KCNH7: variants seen among roughly 807,000 people sequenced by gnomAD.
The protein encoded by KCNH7 is voltage-gated inwardly rectifying potassium channel KCNH7.
In KCNH7, 49 loss-of-function variants were observed where a neutral mutation model predicts 120.8. That is an observed-to-expected ratio of 0.41 (90% CI 0.32 to 0.51). KCNH7 has a LOEUF of 0.51. Among genes scored for constraint, KCNH7 ranks in the 20% least tolerant of loss-of-function variants. The pLI is 0.38. For missense variants in KCNH7, 1,097 were observed against 1,446.6 expected, an observed-to-expected ratio of 0.76 and a Z score of 3.92; for synonymous variants, 547 against 516.1, an observed-to-expected ratio of 1.06 and a Z score of -0.81.
chr2:162,477,517 G>T (rs1689786647), intron 6 of KCNH7, among the ~76,000 whole-genome samples: 1 of 152,108 alleles, frequency 6.6e-6, no homozygotes, highest in Non-Finnish European at 1.5e-5. Flanking sequence ...TATGAGGGAA[G>T]TTTTATTTAT....
intron 12 of KCNH7, among the ~76,000 whole-genome samples, chr2:162,385,261 G>A (rs1388605001): frequency 6.6e-6 from 1 of 151,898 alleles, no homozygotes; most frequent in Non-Finnish European, 1.5e-5. Context: ...TTAGGGAAAT[G>A]AAAAAGACAA....
At chr2:162,508,240 C>G (rs1690949755) in intron 5 of KCNH7, among the ~76,000 whole-genome samples, 1 of 150,940 alleles carries the variant, frequency 6.6e-6, no homozygotes, top group South Asian at 2.1e-4. Flanking sequence ...AATTTGGCCT[C>G]AGAATTTGCA....
intron 2 of KCNH7, among the ~76,000 whole-genome samples, chr2:162,778,373 G>A (rs950759461): frequency 2.0e-5 from 3 of 152,122 alleles, no homozygotes; most frequent in Admixed American, 1.3e-4. Flanking sequence ...AGATGGGAGA[G>A]TCTCCATAAA....
chr2:162,624,045 C>A (rs1266943483), intron 2 of KCNH7, among the ~76,000 whole-genome samples: 1 of 152,126 alleles, frequency 6.6e-6, no homozygotes, highest in Non-Finnish European at 1.5e-5. Flanking sequence ...GTGAGTCATC[C>A]TTTTGTCCAG....
At chr2:162,523,432 C>T (rs1282373019) in intron 3 of KCNH7, among the ~76,000 whole-genome samples, 1 of 151,856 alleles carries the variant, frequency 6.6e-6, no homozygotes, top group African/African-American at 2.4e-5. Context: ...ATGATAACAA[C>T]TACATTTATA....
At position 162,418,627 on chromosome 2, in the gene KCNH7, A is replaced by G. The variant is rs550693122; in HGVS notation, c.2154+4709T>C. Among the ~76,000 whole-genome samples the G allele has an allele frequency of 7.2e-5, 11 of 152,284 alleles. No homozygotes were observed. In the South Asian group the frequency reaches 2.3e-3, roughly 32 times the overall value. On this transcript the variant is annotated intron_variant, in intron 9 of 15. Transcript: ENST00000332142. ...GTCTGGCCCAGATGAAGTCTTTTAA[A>G]TAAGTTTAGAGAATGAGTGTAACAA...
intron 7 of KCNH7, 50 bp downstream of exon 7, chr2:162,445,968 C>T: frequency 7.1e-7 from 1 of 1,417,378 alleles, no homozygotes; most frequent in Non-Finnish European, 9.6e-7. Context: ...AATAGATTCA[C>T]TTTTATAATT....
intron 2 of KCNH7, among the ~76,000 whole-genome samples, chr2:162,748,642 T>C (rs968928470): frequency 1.3e-5 from 2 of 152,206 alleles, no homozygotes; most frequent in Non-Finnish European, 2.9e-5. Flanking sequence ...AATTTAAGTT[T>C]GCCAGACAGA....
intron 2 of KCNH7, among the ~76,000 whole-genome samples, chr2:162,688,024 T>C (rs1307664730): frequency 6.6e-6 from 1 of 152,150 alleles, no homozygotes; most frequent in Non-Finnish European, 1.5e-5. Context: ...ATTAAAGTTT[T>C]GAGAATAAAA....
intron 2 of KCNH7, among the ~76,000 whole-genome samples, chr2:162,725,553 T>C (rs975332274): frequency 6.6e-6 from 1 of 152,108 alleles, no homozygotes; most frequent in East Asian, 1.9e-4. Flanking sequence ...CTTGTCTTAC[T>C]CAATCTCTTC....
At chr2:162,485,173 T>C (rs887492507) in intron 6 of KCNH7, among the ~76,000 whole-genome samples, 12 of 152,174 alleles carry the variant, frequency 7.9e-5, no homozygotes, top group African/African-American at 2.9e-4. Context: ...TTTCTTCATG[T>C]TAATTTTTTC....
chr2:162,526,074 T>C (rs566475014), intron 3 of KCNH7, among the ~76,000 whole-genome samples: 1 of 151,888 alleles, frequency 6.6e-6, no homozygotes, highest in East Asian at 2.0e-4. Context: ...AAAAGAGAAA[T>C]TTTAAAGCTG....
At chr2:162,469,067 G>A (rs1202677230) in intron 6 of KCNH7, among the ~76,000 whole-genome samples, 1 of 152,214 alleles carries the variant, frequency 6.6e-6, no homozygotes, top group Middle Eastern at 3.4e-3. Flanking sequence ...TGTTGCACAG[G>A]CTGGTCTCAA....
intron 2 of KCNH7, among the ~76,000 whole-genome samples, chr2:162,705,592 T>C (rs1159862407): frequency 6.6e-6 from 1 of 152,120 alleles, no homozygotes; most frequent in Non-Finnish European, 1.5e-5. Flanking sequence ...TGCAAATGTG[T>C]TAAGCTGGTC....
chr2:162,534,609 G>A (rs1048545303), intron 3 of KCNH7, among the ~76,000 whole-genome samples: 2 of 151,622 alleles, frequency 1.3e-5, no homozygotes, highest in Non-Finnish European at 3.0e-5. Flanking sequence ...TTGTCAAGGA[G>A]CTACTTCACA....
chr2:162,523,990 A>G (rs1438444783), intron 3 of KCNH7, among the ~76,000 whole-genome samples: 1 of 151,900 alleles, frequency 6.6e-6, no homozygotes, highest in Non-Finnish European at 1.5e-5. Context: ...ATAGGAGAGG[A>G]TCTGTATGGG....
rs977280175 is a variant in KCNH7, at chr2:162,419,275, A to T, written c.2154+4061T>A. ...ATTTCCTCCATTAATGTCCCAGGCT[A>T]AAAAAAAAAAAAAAAAAAAAAAGCA... On this transcript the variant is annotated intron_variant, in intron 9 of 15. Transcript: ENST00000332142. 1.0e-4 allele frequency among the ~76,000 whole-genome samples: 9 copies of T among 88,322 alleles called. No individual in the cohort carries two copies. The Admixed American group carries it at 1.3e-3, about 12-fold the overall frequency. The allele number at this position is 88,322 out of a possible 152,430, so 57.9% of individuals were successfully genotyped here. A position where few individuals can be genotyped will look rare whatever the true frequency, so the allele number is the denominator to read the frequency against.
At chr2:162,519,291 A>G (rs1454850736) in intron 3 of KCNH7, among the ~76,000 whole-genome samples, 5 of 151,904 alleles carry the variant, frequency 3.3e-5, no homozygotes, top group African/African-American at 1.2e-4. Context: ...GAATTACTGA[A>G]TAAATTATGG....
At chr2:162,630,515 T>G (rs1683729780) in intron 2 of KCNH7, among the ~76,000 whole-genome samples, 2 of 152,054 alleles carry the variant, frequency 1.3e-5, no homozygotes, top group Non-Finnish European at 2.9e-5. Context: ...GAAAAAAATG[T>G]AATGTCATTA....
Sources: allele counts gnomAD v4.1 joint callset (sites outside exome capture counted in the v4.1 genomes callset), GRCh38; gene constraint gnomAD v4.1.1; transcripts MANE v1.5; gene names NCBI Gene and HGNC (gene_info 2026-07-23, HGNC 2026-07-21).